Variants in RYR1 observed in about 807,000 individuals in gnomAD.
RYR1 encodes ryanodine receptor 1.
Under a neutral mutation model 583.5 loss-of-function variants are expected in RYR1, and 342 were observed. That is an observed-to-expected ratio of 0.59 (90% confidence interval 0.54 to 0.64). RYR1 has a LOEUF of 0.64. Among genes scored for constraint, RYR1 ranks in the 30% least tolerant of loss-of-function variants. The probability of loss-of-function intolerance (pLI) is 0.00; values close to 1 mark genes in which losing one functional copy is unlikely to be tolerated. For synonymous variants in RYR1, 2,791 were observed against 2,822.5 expected, an observed-to-expected ratio of 0.99 and a Z score of 0.35; for missense variants, 6,032 against 6,917.2, an observed-to-expected ratio of 0.87 and a Z score of 4.54.
chr19:38,481,218 C>T (rs1021503989), intron 31 of RYR1, among the ~76,000 whole-genome samples: 1 of 152,102 alleles, frequency 6.6e-6, no homozygotes, highest in Admixed American at 6.6e-5. Flanking sequence ...CCTCAACCTC[C>T]TGGGATCAAA....
chr19:38,503,532 G>A (rs1219766579), intron 49 of RYR1, among the ~76,000 whole-genome samples: 2 of 152,156 alleles, frequency 1.3e-5, no homozygotes, highest in Non-Finnish European at 2.9e-5. Context: ...CAGCACTTTG[G>A]GAGGCCGAGG....
Position 38,494,644 on chromosome 19 carries a change from C to T in RYR1, c.6548+19C>T, listed in dbSNP as rs772830993. 3.1e-6 allele frequency: 5 copies of T among 1,613,862 alleles called. No homozygotes were observed. The highest frequency in any genetic ancestry group is 4.2e-6 in the Non-Finnish European group (5 of 1,179,954). ...GCATCGGGTGAGACACCGCCCTTCCCCCTTACTTTGCATATCCCCTTGGGT... is the reference window on the plus strand; with the variant it reads ...GCATCGGGTGAGACACCGCCCTTCCTCCTTACTTTGCATATCCCCTTGGGT... On this transcript the variant is annotated intron_variant, in intron 39 of 105. Transcript: ENST00000359596.
Position 38,500,443 on chromosome 19 carries a change from G to T in RYR1, c.7324-163G>T, listed in dbSNP as rs575354873. ...GAACAAGGAGAGAGGTCGGGACTGGGGTGGGGGGGCACAGGCAGAGGAACG... is the reference window on the plus strand; with the variant it reads ...GAACAAGGAGAGAGGTCGGGACTGGTGTGGGGGGGCACAGGCAGAGGAACG... On this transcript the variant is annotated intron_variant, in intron 45 of 105. Coordinates refer to ENST00000359596, the MANE Select transcript of RYR1 (RefSeq NM_000540.3). The surrounding 1 kb of genome is among the most constrained non-coding windows in gnomAD (Gnocchi z 5.9). Among the ~76,000 whole-genome samples the T allele has an allele frequency of 6.6e-6, 1 of 151,022 alleles. No homozygotes were observed. Among genetic ancestry groups the T allele is most frequent in the African/African-American group, 2.4e-5 (1 of 41,122 alleles).
At chr19:38,549,000 A>G (rs528056132) in intron 89 of RYR1, among the ~76,000 whole-genome samples, 57 of 152,342 alleles carry the variant, frequency 3.7e-4, no homozygotes, top group African/African-American at 1.3e-3. Context: ...TATTCCATCA[A>G]TAAACATTGG....
chr19:38,496,283 C>T lies in RYR1; in HGVS notation c.6617C>T (p.Thr2206Met), dbSNP rs118192177. 36 of 1,613,882 alleles carry T rather than the reference C, an allele frequency of 2.2e-5. No individual in the cohort carries two copies. The highest frequency in any genetic ancestry group is 4.0e-5 in the African/African-American group (3 of 74,926). The change falls in exon 40 of 106, where the codon ACG (threonine) becomes ATG (methionine). Residue 2206 changes from threonine to methionine, a missense_variant. Transcript: ENST00000359596. This position sits in a 1 kb window ranked among gnomAD's most constrained non-coding sequence, Gnocchi z 4.8. The part of the protein sequence containing the change: ...NLMRALGMHE[T>M]VMEVMVNVLG... ...ATGAGGGCGCTGGGCATGCACGAGA[C>T]GGTCATGGAGGTCATGGTCAACGTC...
chr19:38,556,178 A>G (rs1361103793), intron 89 of RYR1, among the ~76,000 whole-genome samples: 1 of 151,130 alleles, frequency 6.6e-6, no homozygotes, highest in East Asian at 2.0e-4. Flanking sequence ...TCTAATAGCC[A>G]TGTTTTTTAA....
At chr19:38,476,556 TC>T (rs1365042582) in intron 29 of RYR1, among the ~76,000 whole-genome samples, 5 of 151,986 alleles carry the variant, frequency 3.3e-5, no homozygotes, top group East Asian at 3.9e-4. Context: ...TGGTCTCAAA[TC>T]CCCGACCTCA....
In RYR1 at chr19:38,516,150, G is replaced by A. The variant is rs1240230005; in HGVS notation, c.9618G>A (p.Leu3206=). ...CAGCAGCCATGCCGGTGGCGTTCCT[G>A]GAGCCGCAGCTGAACGAGTACAACG... The part of the protein sequence containing the change: ...RLAAAMPVAF[L]EPQLNEYNAC... Residue 3206 remains leucine (L), a synonymous_variant, in exon 65 of 106, where the codon CTG becomes CTA. Transcript: ENST00000359596. 6.4e-7 allele frequency: 1 copy of A among 1,555,254 alleles called. No homozygotes were observed. Among genetic ancestry groups the A allele is most frequent in the Non-Finnish European group, 8.7e-7 (1 of 1,149,390 alleles).
chr19:38,442,242 C>G, intron 2 of RYR1, 107 bp from the exon 3 acceptor site: 1 of 781,370 alleles, frequency 1.3e-6, no homozygotes, highest in South Asian at 1.5e-5. Flanking sequence ...TGGGGTCTGG[C>G]GTCTCAAGAG....
intron 89 of RYR1, among the ~76,000 whole-genome samples, chr19:38,553,995 A>G (rs1206144737): frequency 1.3e-5 from 2 of 152,144 alleles, no homozygotes; most frequent in East Asian, 1.9e-4. Context: ...TTTATTCCCA[A>G]TGTTTTGCTA....
rs190687186 is a variant in RYR1 at position 38,556,463 on chromosome 19, C to G, written c.12283-4650C>G. 2.8e-3 allele frequency among the ~76,000 whole-genome samples: 414 copies of G among 150,366 alleles called. 2 individuals are homozygous for G. The highest frequency in any genetic ancestry group is 9.7e-3 in the African/African-American group (396 of 40,876). ...TGGCACTGTACTTCAACCTGGGCAA[C>G]TGAGCAAGACTCTGTTAAAAAAAAA... On this transcript the variant is annotated intron_variant, in intron 89 of 105. Transcript: ENST00000359596.
intron 7 of RYR1, among the ~76,000 whole-genome samples, chr19:38,446,011 AC>A (rs1167126994): frequency 6.6e-6 from 1 of 151,760 alleles, no homozygotes; most frequent in Admixed American, 6.6e-5. Flanking sequence ...ACAAAACGAA[AC>A]AAAAAAACCC....
chr19:38,582,698 C>T (rs976415438), intron 101 of RYR1, among the ~76,000 whole-genome samples: 1 of 152,156 alleles, frequency 6.6e-6, no homozygotes, highest in Admixed American at 6.6e-5. Flanking sequence ...GTTCAATGCA[C>T]ATTTATATTT....
Position 38,515,045 on chromosome 19 carries a change from T to G in RYR1, c.9492T>G (p.Ser3164=), listed in dbSNP as rs1416932831. The G allele has an allele frequency of 5.6e-6, 9 of 1,613,578 alleles. No individual in the cohort carries two copies. The highest frequency in any genetic ancestry group is 7.6e-6 in the Non-Finnish European group (9 of 1,179,888). The change falls in exon 64 of 106, where the codon TCT becomes TCG. Residue 3164 remains serine (S), a synonymous_variant. Coordinates refer to ENST00000359596, the MANE Select transcript of RYR1 (RefSeq NM_000540.3). The part of the protein sequence containing the change: ...DDVILDDVQV[S]CYRTLCSIYS... ...CCTCAGTGGACGACGTCCAGGTCTC[T>G]TGCTACCGAACGCTGTGCAGTATCT...
At chr19:38,473,284 C>A in intron 27 of RYR1, 93 bp from the exon 28 acceptor site, 2 of 1,480,606 alleles carry the variant, frequency 1.4e-6, no homozygotes, top group Non-Finnish European at 1.9e-6. Flanking sequence ...TGCACTATGG[C>A]CTAATGGTGG....
At position 38,467,646 on chromosome 19, in the gene RYR1, G is replaced by A. The variant is rs757261781; in HGVS notation, c.3215G>A (p.Arg1072His). 13 of 1,614,086 alleles carry A rather than the reference G, an allele frequency of 8.1e-6. No individual in the cohort carries two copies. Among genetic ancestry groups the A allele is most frequent in the South Asian group, 1.1e-5 (1 of 91,092 alleles). ...VENQSRCDRVRIFRAEKSYTV... is the reference protein window; with the variant it reads ...VENQSRCDRVHIFRAEKSYTV... ...AACCAGTCTCGTTGTGACCGGGTGCGCATCTTCCGGGCAGAGAAATCCTAT... is the reference window on the plus strand; with the variant it reads ...AACCAGTCTCGTTGTGACCGGGTGCACATCTTCCGGGCAGAGAAATCCTAT... The change falls in exon 25 of 106, where the codon CGC (arginine) becomes CAC (histidine). Residue 1072 changes from arginine to histidine, a missense_variant. By Grantham distance (29) the Arg-to-His change is conservative. Around this residue, in one of 11 missense-constraint regions of RYR1, gnomAD observed 2,627 missense variants for 2,961.3 expected, o/e 0.89. Coordinates refer to ENST00000359596, the MANE Select transcript of RYR1 (RefSeq NM_000540.3).
At chr19:38,458,441 A>C in intron 18 of RYR1, 149 bp downstream of exon 18, 1 of 768,492 alleles carries the variant, frequency 1.3e-6, no homozygotes, top group Non-Finnish European at 2.2e-6. Context: ...CAAGACCCTA[A>C]CCCCAGAGCT....
rs900051611 is a variant in RYR1, at chr19:38,537,096, G to A, written c.11608+329G>A. The A allele has an allele frequency of 1.7e-5, 8 of 467,514 alleles. No individual in the cohort carries two copies. The East Asian group carries it at 2.0e-4, about 12-fold the overall frequency. 29.0% of individuals were successfully genotyped at this position (467,514 alleles called of 1,614,324 possible). ...TTGTCGGACTTCCAGACCCAGATTC[G>A]CAGTCCCGGTGTGGAGTGATCCCCA... On this transcript the variant is annotated intron_variant, in intron 83 of 105. Coordinates refer to ENST00000359596, the MANE Select transcript of RYR1 (RefSeq NM_000540.3).
chr19:38,568,027 C>CT (rs1973527758), intron 93 of RYR1, 110 bp downstream of exon 93: 1 of 1,304,388 alleles, frequency 7.7e-7, no homozygotes, highest in East Asian at 2.5e-5. Flanking sequence ...AAGCTCGTCT[C>CT]TAAGAAGAAC....
Sources: allele counts gnomAD v4.1 joint callset (sites outside exome capture counted in the v4.1 genomes callset), GRCh38; gene constraint gnomAD v4.1.1; regional missense constraint gnomAD v4.1.1; non-coding constraint Gnocchi (gnomAD v3.1); transcripts MANE v1.5; gene names NCBI Gene and HGNC (gene_info 2026-07-23, HGNC 2026-07-21).